Variants in NRG3 observed in about 807,000 individuals in gnomAD.
NRG3 encodes the protein neuregulin 3.
NRG3 carries 31 observed loss-of-function variants against 66.9 expected under a neutral mutation model. The ratio of observed to expected loss-of-function variants is 0.46; its 90% CI spans 0.35 to 0.63. NRG3 has a LOEUF of 0.63. Among genes scored for constraint, NRG3 ranks in the 20% least tolerant of loss-of-function variants. The pLI, the probability that NRG3 is intolerant of heterozygous loss-of-function variation, is 0.00. For missense variants in NRG3, 910 were observed against 878.9 expected, an observed-to-expected ratio of 1.04 and a Z score of -0.45; for synonymous variants, 393 against 359.4, an observed-to-expected ratio of 1.09 and a Z score of -1.06.
rs1292877058 is a variant in NRG3, at chr10:82,273,530, G to A, written c.824-85209G>A. On this transcript the variant is annotated intron_variant, in intron 1 of 8. Transcript: ENST00000372141. ...AATTATAACCCACAGAATTTTAATG[G>A]GCCATTTGAAATTGCAATAATTGAA... is the stretch of plus-strand genomic sequence containing the variant. Among the ~76,000 whole-genome samples the A allele has an allele frequency of 5.3e-5, 8 of 151,680 alleles. No homozygotes were observed. In the South Asian group the frequency reaches 1.3e-3, roughly 24 times the overall value.
intron 1 of NRG3, among the ~76,000 whole-genome samples, chr10:81,884,545 A>G (rs1385596911): frequency 1.3e-5 from 2 of 152,228 alleles, no homozygotes; most frequent in African/African-American, 4.8e-5. Flanking sequence ...AAATAAAAAC[A>G]ACAACACAAC....
chr10:82,721,947 GAA>G (rs537584553), intron 2 of NRG3, among the ~76,000 whole-genome samples: 2,778 of 108,896 alleles, frequency 0.026, 87 homozygotes, highest in African/African-American at 0.082. Context: ...TTTGTTACAA[GAA>G]AAAAAAAAAA....
At chr10:82,757,735 GA>G (rs1280535158) in intron 3 of NRG3, among the ~76,000 whole-genome samples, 1 of 152,016 alleles carries the variant, frequency 6.6e-6, no homozygotes, top group African/African-American at 2.4e-5. Flanking sequence ...CCTTCTGGTT[GA>G]ATAATTGAGA....
intron 3 of NRG3, among the ~76,000 whole-genome samples, chr10:82,773,908 C>A (rs900642957): frequency 2.6e-5 from 4 of 152,112 alleles, no homozygotes; most frequent in African/African-American, 7.2e-5. Flanking sequence ...GTGTTTTTAT[C>A]AAGAAAAGAT....
At chr10:82,548,682 A>G (rs922385755) in intron 2 of NRG3, among the ~76,000 whole-genome samples, 20 of 152,066 alleles carry the variant, frequency 1.3e-4, no homozygotes, top group African/African-American at 4.6e-4. Flanking sequence ...GCAAGTGGAT[A>G]AGAGGCAAAG....
At chr10:82,658,480 G>A (rs2052046909) in intron 2 of NRG3, among the ~76,000 whole-genome samples, 1 of 151,932 alleles carries the variant, frequency 6.6e-6, no homozygotes, top group Non-Finnish European at 1.5e-5. Flanking sequence ...CTTAAGATCA[G>A]GATTCAGACA....
At chr10:82,889,227 T>A (rs1842955139) in intron 4 of NRG3, among the ~76,000 whole-genome samples, 1 of 152,102 alleles carries the variant, frequency 6.6e-6, no homozygotes, top group Admixed American at 6.6e-5. Context: ...AACAAAGATT[T>A]CAGCCCTGGT....
At chr10:81,970,328 C>T (rs1295333183) in intron 1 of NRG3, among the ~76,000 whole-genome samples, 1 of 152,156 alleles carries the variant, frequency 6.6e-6, no homozygotes, top group Non-Finnish European at 1.5e-5. Flanking sequence ...CTAATTATCC[C>T]TCTAGATATA....
chr10:81,941,312 C>T (rs1430624817), intron 1 of NRG3, among the ~76,000 whole-genome samples: 6 of 151,998 alleles, frequency 3.9e-5, no homozygotes, highest in African/African-American at 1.4e-4. Flanking sequence ...TTCTCCATCA[C>T]CTAAAAATTG....
At chr10:82,887,291 C>T (rs369287082) in intron 4 of NRG3, among the ~76,000 whole-genome samples, 1 of 152,122 alleles carries the variant, frequency 6.6e-6, no homozygotes, top group Non-Finnish European at 1.5e-5. Flanking sequence ...GCATCAGCTC[C>T]GATTACGCTG....
chr10:82,676,682 C>T (rs184647746), intron 2 of NRG3, among the ~76,000 whole-genome samples: 2 of 152,004 alleles, frequency 1.3e-5, no homozygotes, highest in Admixed American at 1.3e-4. Context: ...CAGAGTTTTG[C>T]CATGTGACTA....
intron 4 of NRG3, among the ~76,000 whole-genome samples, chr10:82,893,086 T>A (rs1340223351): frequency 6.6e-6 from 1 of 152,202 alleles, no homozygotes; most frequent in Non-Finnish European, 1.5e-5. Context: ...TAAAAGATTA[T>A]GTATGATATG....
At chr10:82,028,584 A>G (rs2062421255) in intron 1 of NRG3, among the ~76,000 whole-genome samples, 1 of 151,998 alleles carries the variant, frequency 6.6e-6, no homozygotes, top group African/African-American at 2.4e-5. Context: ...GAATGATAGA[A>G]ACGCTTTGGG....
intron 1 of NRG3, among the ~76,000 whole-genome samples, chr10:82,217,699 A>T (rs919176467): frequency 1.3e-5 from 2 of 149,862 alleles, no homozygotes; most frequent in Admixed American, 6.6e-5. Flanking sequence ...CTTCAAAAGC[A>T]GTATGGCCTG....
chr10:82,865,421 G>A lies in NRG3; in HGVS notation c.1038G>A (p.Leu346=). Residue 346 remains leucine (L), a synonymous_variant, in exon 4 of 9, where the codon TTG becomes TTA. Coordinates refer to ENST00000372141, the MANE Select transcript of NRG3 (RefSeq NM_001010848.4). ...DSILSDPTDH[L]GIEFMESEEV... ...CTGACTTTGGTGTAGCAGACCACTT[G>A]GGGATTGAATTCATGGGTAAGACTA... is the stretch of plus-strand genomic sequence containing the variant. 6.2e-7 allele frequency: 1 copy of A among 1,612,886 alleles called. No individual in the cohort carries two copies. Among genetic ancestry groups the A allele is most frequent in the South Asian group, 1.1e-5 (1 of 90,858 alleles).
At chr10:82,296,931 C>T (rs953912058) in intron 1 of NRG3, among the ~76,000 whole-genome samples, 3 of 152,156 alleles carry the variant, frequency 2.0e-5, no homozygotes, top group Non-Finnish European at 4.4e-5. Flanking sequence ...TACTCCCTCC[C>T]TCCTTTCCTC....
chr10:82,171,496 G>A (rs923695991), intron 1 of NRG3, among the ~76,000 whole-genome samples: 3 of 152,058 alleles, frequency 2.0e-5, no homozygotes, highest in Non-Finnish European at 4.4e-5. Flanking sequence ...TGATGGAAGG[G>A]GAAGCAGTTA....
At chr10:82,256,762 A>G (rs2077749580) in intron 1 of NRG3, among the ~76,000 whole-genome samples, 1 of 152,210 alleles carries the variant, frequency 6.6e-6, no homozygotes, top group South Asian at 2.1e-4. Context: ...TATGAGCACT[A>G]AGAGAATGCA....
chr10:82,976,802 A>T (rs1007012050), intron 7 of NRG3, among the ~76,000 whole-genome samples: 1 of 151,924 alleles, frequency 6.6e-6, no homozygotes, highest in Non-Finnish European at 1.5e-5. Flanking sequence ...CCTTCCTTAT[A>T]TCCCTTTTCT....
Sources: allele counts gnomAD v4.1 joint callset (sites outside exome capture counted in the v4.1 genomes callset), GRCh38; gene constraint gnomAD v4.1.1; transcripts MANE v1.5; gene names NCBI Gene and HGNC (gene_info 2026-07-23, HGNC 2026-07-21).